KCNIP4: variants seen among roughly 807,000 people sequenced by gnomAD.
The protein encoded by KCNIP4 is Kv channel-interacting protein 4.
In KCNIP4, 12 loss-of-function variants were observed where a neutral mutation model predicts 34.0. That is an observed-to-expected ratio of 0.35 (90% CI 0.23 to 0.57). KCNIP4 has a LOEUF of 0.57. Ranked by LOEUF, KCNIP4 falls within the 20% of genes least tolerant of loss-of-function variation. The pLI, the probability that KCNIP4 is intolerant of heterozygous loss-of-function variation, is 0.83. For synonymous variants in KCNIP4, 124 were observed against 102.2 expected, an observed-to-expected ratio of 1.21 and a Z score of -1.29; for missense variants, 238 against 311.7, an observed-to-expected ratio of 0.76 and a Z score of 1.78.
At position 20,937,222 on chromosome 4, in the gene KCNIP4, C is replaced by CTTT. The variant is rs397992488; in HGVS notation, c.62-54516_62-54514dup. On this transcript the variant is annotated intron_variant, in intron 1 of 8. Transcript: ENST00000382152. ...TGAGCAAAAGGTGCCCCCAAGGAGT[C>CTTT]TTTTTTTTTTTTTTTTTTTTTTTTT... Among the ~76,000 whole-genome samples the CTTT allele has an allele frequency of 8.3e-4, 38 of 45,530 alleles. 2 individuals carry two copies. The highest frequency in any genetic ancestry group is 2.3e-3 in the East Asian group (3 of 1,306). The allele number at this position is 45,530 out of a possible 152,430, so 29.9% of individuals were successfully genotyped here.
chr4:20,966,133 G>A (rs527726655), intron 1 of KCNIP4, among the ~76,000 whole-genome samples: 2 of 152,192 alleles, frequency 1.3e-5, no homozygotes, highest in Non-Finnish European at 2.9e-5. Flanking sequence ...TGGGAAGATA[G>A]ATGTAGGATT....
intron 1 of KCNIP4, among the ~76,000 whole-genome samples, chr4:21,199,763 T>G (rs1756332903): frequency 1.6e-5 from 1 of 63,418 alleles, no homozygotes; most frequent in African/African-American, 1.5e-4. Flanking sequence ...GCAGCACTAC[T>G]CACAATAGCA....
intron 2 of KCNIP4, among the ~76,000 whole-genome samples, chr4:20,874,683 CTTT>C (rs200107431): frequency 2.2e-5 from 3 of 138,396 alleles, no homozygotes; most frequent in Admixed American, 7.3e-5. Context: ...CACTTCATCT[CTTT>C]TTTTTTTTTT....
intron 1 of KCNIP4, among the ~76,000 whole-genome samples, chr4:21,137,477 C>T (rs1367451714): frequency 6.6e-6 from 1 of 151,924 alleles, no homozygotes; most frequent in African/African-American, 2.4e-5. Flanking sequence ...TTGAAGATGC[C>T]ATATCTTTAG....
intron 1 of KCNIP4, among the ~76,000 whole-genome samples, chr4:21,272,256 T>C (rs1560239040): frequency 6.6e-6 from 1 of 152,222 alleles, no homozygotes; most frequent in South Asian, 2.1e-4. Flanking sequence ...AAATGAATTA[T>C]TGTATGAAAA....
At chr4:21,032,387 T>C (rs1204462393) in intron 1 of KCNIP4, among the ~76,000 whole-genome samples, 2 of 152,152 alleles carry the variant, frequency 1.3e-5, no homozygotes, top group African/African-American at 4.8e-5. Context: ...TCAACCTTTC[T>C]GCACAAGTTT....
intron 1 of KCNIP4, among the ~76,000 whole-genome samples, chr4:21,065,753 T>TATATATATAC (rs2108983834): frequency 7.0e-6 from 1 of 143,604 alleles, no homozygotes; most frequent in South Asian, 2.2e-4. Flanking sequence ...TATATATATA[T>TATATATATAC]ATATATATAT....
intron 1 of KCNIP4, among the ~76,000 whole-genome samples, chr4:21,783,095 G>A (rs992821955): frequency 6.0e-5 from 9 of 150,180 alleles, no homozygotes; most frequent in African/African-American, 1.7e-4. Flanking sequence ...TGATCATGGT[G>A]GTAAAAGAAA....
At chr4:21,717,180 C>T (rs1323407203) in intron 1 of KCNIP4, among the ~76,000 whole-genome samples, 2 of 152,116 alleles carry the variant, frequency 1.3e-5, no homozygotes, top group East Asian at 3.9e-4. Context: ...TGGCCTCTAT[C>T]TACTAAATAT....
At chr4:21,735,562 G>A (rs575307485) in intron 1 of KCNIP4, among the ~76,000 whole-genome samples, 3 of 152,198 alleles carry the variant, frequency 2.0e-5, no homozygotes, top group South Asian at 4.1e-4. Context: ...TTGCCTTAGT[G>A]GGAGGATTTG....
At chr4:21,917,059 C>T (rs1728669509) in intron 1 of KCNIP4, among the ~76,000 whole-genome samples, 4 of 152,168 alleles carry the variant, frequency 2.6e-5, no homozygotes, top group Admixed American at 2.6e-4. Flanking sequence ...TGGTCCATTC[C>T]TTATGTAATC....
chr4:20,900,431 A>G lies in KCNIP4; in HGVS notation c.62-17722T>C, dbSNP rs569934041. 1.9e-3 allele frequency among the ~76,000 whole-genome samples: 288 copies of G among 152,346 alleles called. 1 individual carries two copies. Among genetic ancestry groups the G allele is most frequent in the African/African-American group, 6.7e-3 (278 of 41,580 alleles). On this transcript the variant is annotated intron_variant, in intron 1 of 8. Transcript: ENST00000382152. ...CACCTTTGTGTCCCCAGCATCACGCACAAGGCCTAGCATTGACTGTTCAAT... is the reference window on the plus strand; with the variant it reads ...CACCTTTGTGTCCCCAGCATCACGCGCAAGGCCTAGCATTGACTGTTCAAT...
chr4:21,884,041 T>C (rs903343437), intron 1 of KCNIP4, among the ~76,000 whole-genome samples: 4 of 152,084 alleles, frequency 2.6e-5, no homozygotes, highest in African/African-American at 9.7e-5. Flanking sequence ...TTAAAATTGC[T>C]TTGTAGGCTT....
At chr4:21,721,865 ATTAAAG>A (rs142040682) in intron 1 of KCNIP4, among the ~76,000 whole-genome samples, 12,942 of 152,096 alleles carry the variant, frequency 0.085, 1,823 homozygotes, top group African/African-American at 0.3. Context: ...TCATGGCTAC[ATTAAAG>A]TTAATTTCCT....
intron 3 of KCNIP4, among the ~76,000 whole-genome samples, chr4:20,788,197 G>A (rs1026397898): frequency 2.0e-5 from 3 of 152,070 alleles, no homozygotes; most frequent in Admixed American, 1.3e-4. Context: ...TATTTTAAAT[G>A]GATTAATTAA....
intron 1 of KCNIP4, among the ~76,000 whole-genome samples, chr4:21,585,432 A>G (rs1041881167): frequency 6.6e-6 from 1 of 152,130 alleles, no homozygotes; most frequent in African/African-American, 2.4e-5. Flanking sequence ...CAAGACTTAA[A>G]TTACTTTTAT....
In KCNIP4 at chr4:20,917,065, G is replaced by A. The variant is rs144563332; in HGVS notation, c.62-34356C>T. Among the ~76,000 whole-genome samples, 527 of 128,782 alleles carry A rather than the reference G, an allele frequency of 4.1e-3. 9 individuals are homozygous for A. The highest frequency in any genetic ancestry group is 0.014 in the African/African-American group (481 of 34,952). The allele number at this position is 128,782 out of a possible 152,430, so 84.5% of individuals were successfully genotyped here. On this transcript the variant is annotated intron_variant, in intron 1 of 8. Transcript: ENST00000382152. ...TATATATATATAAAATTGAGATGGG[G>A]TCTCGCTCTGTTGCCAGGCTGGAGT...
At chr4:21,718,326 T>C (rs1274980221) in intron 1 of KCNIP4, among the ~76,000 whole-genome samples, 1 of 152,216 alleles carries the variant, frequency 6.6e-6, no homozygotes, top group Non-Finnish European at 1.5e-5. Flanking sequence ...TATTAGCCAA[T>C]TTGTATTTAT....
intron 1 of KCNIP4, among the ~76,000 whole-genome samples, chr4:21,273,416 T>C (rs1002372429): frequency 7.9e-5 from 12 of 152,076 alleles, no homozygotes; most frequent in African/African-American, 2.7e-4. Flanking sequence ...TATTATCCTA[T>C]CTCAGTGAAA....
Sources: gnomAD v4.1 joint callset for allele counts (sites outside exome capture counted in the v4.1 genomes callset) on GRCh38, gnomAD v4.1.1 for gene constraint, MANE v1.5 for transcripts, NCBI Gene and HGNC (gene_info 2026-07-23, HGNC 2026-07-21) for gene names.